The following EPHB2 variants were observed in gnomAD, a reference collection of about 807,000 sequenced individuals.
EPHB2 encodes the protein ephrin type-B receptor 2.
A neutral mutation model predicts 96.4 loss-of-function variants in EPHB2; 18 were observed. The ratio of observed to expected loss-of-function variants is 0.19; its 90% CI spans 0.13 to 0.28. EPHB2 has a LOEUF of 0.28. EPHB2 is among the 10% of genes least tolerant of loss of function. EPHB2 has a pLI of 1.00. For synonymous variants in EPHB2, 506 were observed against 534.1 expected (o/e 0.95, Z 0.72); for missense variants, 989 against 1,355.4 (o/e 0.73, Z 4.25).
Position 22,865,041 on chromosome 1 carries a change from A to G in EPHB2, c.1132A>G (p.Asn378Asp). 1.2e-6 allele frequency: 2 copies of G among 1,614,130 alleles called. No individual in the cohort carries two copies. Among genetic ancestry groups the G allele is most frequent in the Non-Finnish European group, 1.7e-6 (2 of 1,180,006 alleles). Residue 378 changes from asparagine (N) to aspartate (D), a missense_variant, in exon 5 of 16, where the codon AAT becomes GAT. Physicochemically the swap from Asn to Asp is conservative, Grantham distance 23 (BLOSUM62 1). Transcript: ENST00000374630. ...GRGACTRCGD[N>D]VQYAPRQLGL... ...GGGTGCCTGCACCCGCTGCGGGGAC[A>G]ATGTACAGTACGCACCACGCCAGCT... is the stretch of plus-strand genomic sequence containing the variant.
At chr1:22,827,325 A>T (rs993343955) in intron 3 of EPHB2, among the ~76,000 whole-genome samples, 1 of 152,134 alleles carries the variant, frequency 6.6e-6, no homozygotes, top group Non-Finnish European at 1.5e-5. Context: ...CAGGAACTGG[A>T]TTGCTCCCAT....
chr1:22,764,065 A>G (rs1306808297), intron 1 of EPHB2, among the ~76,000 whole-genome samples: 1 of 152,194 alleles, frequency 6.6e-6, no homozygotes, highest in Admixed American at 6.5e-5. Flanking sequence ...TCTCATTTGC[A>G]AAGTCCCTGT....
At chr1:22,758,623 G>A (rs1182337785) in intron 1 of EPHB2, among the ~76,000 whole-genome samples, 1 of 151,796 alleles carries the variant, frequency 6.6e-6, no homozygotes, top group African/African-American at 2.4e-5. Flanking sequence ...CAGAGACTGG[G>A]ACTCAAGTCC....
intron 3 of EPHB2, among the ~76,000 whole-genome samples, chr1:22,841,407 G>T (rs1045338145): frequency 3.9e-5 from 6 of 152,130 alleles, no homozygotes; most frequent in African/African-American, 4.8e-5. Flanking sequence ...AGTCTGGACT[G>T]CAGGGAGGGC....
At chr1:22,724,144 T>C (rs886361502) in intron 1 of EPHB2, among the ~76,000 whole-genome samples, 12 of 152,344 alleles carry the variant, frequency 7.9e-5, no homozygotes, top group African/African-American at 2.6e-4. Context: ...AACACCTGTC[T>C]AGCCTTCACC....
At chr1:22,781,249 G>A (rs1373133247) in intron 1 of EPHB2, among the ~76,000 whole-genome samples, 172 bp from the exon 2 acceptor site, 1 of 149,166 alleles carries the variant, frequency 6.7e-6, no homozygotes, top group Non-Finnish European at 1.5e-5. Context: ...GAACGTGGGA[G>A]GCGGAGCTTG....
chr1:22,896,584 C>A, intron 9 of EPHB2, 106 bp downstream of exon 9: 1 of 1,460,322 alleles, frequency 6.8e-7, no homozygotes. Context: ...TGCAGGCAGA[C>A]AATGTCAAGT....
At chr1:22,815,263 G>C (rs1223580153) in intron 3 of EPHB2, among the ~76,000 whole-genome samples, 1 of 152,174 alleles carries the variant, frequency 6.6e-6, no homozygotes, top group Non-Finnish European at 1.5e-5. Context: ...TGGAAGGTGG[G>C]GGGTGGTTGT....
chr1:22,712,437 C>T (rs1239691709), intron 1 of EPHB2, among the ~76,000 whole-genome samples: 1 of 152,214 alleles, frequency 6.6e-6, no homozygotes. Context: ...TGGGGCGCCC[C>T]TTCCCTTCTT....
In EPHB2 at chr1:22,916,697, G is replaced by C. The variant is rs986652056; in HGVS notation, c.*3127G>C. On this transcript the variant is annotated 3_prime_UTR_variant, in exon 16 of 16. Transcript: ENST00000374630. This position sits in a 1 kb window ranked among gnomAD's most constrained non-coding sequence, Gnocchi z 4.2. ...TCAACCTCCCCAAGTGCCAGCCCCC[G>C]CCTGCCCAGCAGTGTTAGGGGAGTT... The C allele has an allele frequency of 1.3e-5, 2 of 152,486 alleles. No individual in the cohort carries two copies. Among genetic ancestry groups the C allele is most frequent in the Admixed American group, 6.5e-5 (1 of 15,288 alleles). 9.4% of individuals were successfully genotyped at this position (152,486 alleles called of 1,614,324 possible). A position where few individuals can be genotyped will look rare whatever the true frequency, so the allele number is the denominator to read the frequency against.
At chr1:22,808,801 A>G (rs1644964588) in intron 3 of EPHB2, among the ~76,000 whole-genome samples, 1 of 152,202 alleles carries the variant, frequency 6.6e-6, no homozygotes, top group African/African-American at 2.4e-5. Context: ...AACTTACCCA[A>G]CACCACACAT....
chr1:22,814,882 G>A (rs925442978), intron 3 of EPHB2, among the ~76,000 whole-genome samples: 1 of 152,220 alleles, frequency 6.6e-6, no homozygotes, highest in Non-Finnish European at 1.5e-5. Context: ...GCTCATCTGG[G>A]GTACATTTGC....
chr1:22,742,995 G>C (rs775516494), intron 1 of EPHB2, among the ~76,000 whole-genome samples: 2 of 151,372 alleles, frequency 1.3e-5, no homozygotes, highest in Non-Finnish European at 2.9e-5. Context: ...TGGCTCAAGC[G>C]ATCCTCCCAC....
chr1:22,754,326 T>C (rs897258075), intron 1 of EPHB2, among the ~76,000 whole-genome samples: 1 of 152,250 alleles, frequency 6.6e-6, no homozygotes, highest in African/African-American at 2.4e-5. Flanking sequence ...CACTTTTCTA[T>C]TTCCTGGGTA....
chr1:22,714,798 C>T (rs1401480895), intron 1 of EPHB2, among the ~76,000 whole-genome samples: 1 of 152,214 alleles, frequency 6.6e-6, no homozygotes, highest in Admixed American at 6.5e-5. Flanking sequence ...GACAGAGACC[C>T]ATCTGGCTCA....
chr1:22,856,092 C>T (rs1483259340), intron 3 of EPHB2, among the ~76,000 whole-genome samples: 1 of 152,070 alleles, frequency 6.6e-6, no homozygotes, highest in Admixed American at 6.6e-5. Context: ...CTGGGCCTGA[C>T]CCAGCGATTG....
chr1:22,748,751 T>C (rs1188056202), intron 1 of EPHB2, among the ~76,000 whole-genome samples: 1 of 150,426 alleles, frequency 6.6e-6, no homozygotes. Flanking sequence ...CACACACATA[T>C]ATGATATTAA....
intron 3 of EPHB2, among the ~76,000 whole-genome samples, chr1:22,829,311 G>C (rs1315483924): frequency 1.3e-5 from 2 of 152,232 alleles, no homozygotes; most frequent in Non-Finnish European, 2.9e-5. Flanking sequence ...ACACCCAGCC[G>C]GGAGAGGCTC....
chr1:22,845,282 G>A (rs540060835), intron 3 of EPHB2, among the ~76,000 whole-genome samples: 148 of 152,258 alleles, frequency 9.7e-4, no homozygotes, highest in Middle Eastern at 3.4e-3. Flanking sequence ...TCCATATAAC[G>A]CACTTAAAAC....
Sources: gnomAD v4.1 joint callset for allele counts (sites outside exome capture counted in the v4.1 genomes callset) on GRCh38, gnomAD v4.1.1 for gene constraint, Gnocchi (gnomAD v3.1) non-coding constraint, MANE v1.5 for transcripts, NCBI Gene and HGNC (gene_info 2026-07-23, HGNC 2026-07-21) for gene names.